Variants in PCDHA7 observed in about 807,000 individuals in gnomAD.
PCDHA7 encodes the protein protocadherin alpha-7.
In PCDHA7, 37 loss-of-function variants were observed where a neutral mutation model predicts 57.2. That is an observed-to-expected ratio of 0.65 (90% confidence interval 0.50 to 0.85). The LOEUF (loss-of-function observed/expected upper bound fraction) is 0.85, where lower values mean the gene tolerates loss of function less well. Among genes scored for constraint, PCDHA7 ranks in the 40% least tolerant of loss-of-function variants. The pLI, the probability that PCDHA7 is intolerant of heterozygous loss-of-function variation, is 0.00. For synonymous variants in PCDHA7, 553 were observed against 558.8 expected (o/e 0.99, Z 0.15); for missense variants, 1,188 against 1,241.8 (o/e 0.96, Z 0.65).
At chr5:140,928,321 A>C (rs1296238254) in intron 1 of PCDHA7, 2 of 1,614,044 alleles carry the variant, frequency 1.2e-6, no homozygotes, top group African/African-American at 2.7e-5. Context: ...CCTGGGGAAG[A>C]ATGGCCTTGT....
chr5:140,861,346 C>T (rs2046871504), intron 1 of PCDHA7: 2 of 294,962 alleles, frequency 6.8e-6, no homozygotes, highest in South Asian at 3.7e-5. Context: ...AGGCCAAGGA[C>T]GGCACATAGC....
In PCDHA7 at chr5:140,835,129, T is replaced by G. The variant is rs2150231206; in HGVS notation, c.746T>G (p.Val249Gly). 1 of 1,358,528 alleles carries G rather than the reference T, an allele frequency of 7.4e-7. No individual in the cohort carries two copies. Among genetic ancestry groups the G allele is most frequent in the East Asian group, 2.5e-5 (1 of 39,406 alleles). The allele number at this position is 1,358,528 out of a possible 1,614,324, so 84.2% of individuals were successfully genotyped here. Residue 249 changes from valine (V) to glycine (G), a missense_variant, in exon 1 of 4, where the codon GTG becomes GGG. Val to Gly is a moderately radical substitution (Grantham distance 109). Transcript: ENST00000525929. ...APVFDRTLYT[V>G]KLPENVSIGT... ...GTGTTCGACAGAACCCTGTATACGG[T>G]GAAATTACCAGAAAACGTTTCTATC...
At chr5:140,991,640 T>C (rs1315335320) in intron 3 of PCDHA7, among the ~76,000 whole-genome samples, 1 of 152,194 alleles carries the variant, frequency 6.6e-6, no homozygotes, top group Non-Finnish European at 1.5e-5. Flanking sequence ...AACAATCTGT[T>C]CATGACAATT....
intron 1 of PCDHA7, chr5:140,842,137 A>C (rs2150330187): frequency 1.2e-6 from 2 of 1,613,874 alleles, no homozygotes; most frequent in South Asian, 2.2e-5. Flanking sequence ...CGGATGAAGG[A>C]GCCAATGGGG....
intron 3 of PCDHA7, among the ~76,000 whole-genome samples, chr5:140,984,647 G>C (rs1169327185): frequency 6.6e-6 from 1 of 152,102 alleles, no homozygotes; most frequent in Non-Finnish European, 1.5e-5. Flanking sequence ...CCTTCTCCCT[G>C]TCCTTCTGGT....
chr5:140,974,221 T>A (rs75147433), intron 1 of PCDHA7, among the ~76,000 whole-genome samples: 1,739 of 152,246 alleles, frequency 0.011, 25 homozygotes, highest in Non-Finnish European at 0.017. Context: ...TAAAGAGAAA[T>A]CTTAGTTCCT....
At chr5:140,977,513 A>G (rs1378316611) in intron 1 of PCDHA7, among the ~76,000 whole-genome samples, 2 of 152,236 alleles carry the variant, frequency 1.3e-5, no homozygotes, top group African/African-American at 4.8e-5. Context: ...GCATTTTGTG[A>G]ACTTGAAAAC....
chr5:140,870,085 C>A, intron 1 of PCDHA7: 1 of 1,613,862 alleles, frequency 6.2e-7, no homozygotes, highest in Non-Finnish European at 8.5e-7. Context: ...GGGGACTCCC[C>A]CAATGGCAGG....
At chr5:140,953,284 T>G (rs2094869714) in intron 1 of PCDHA7, among the ~76,000 whole-genome samples, 1 of 152,160 alleles carries the variant, frequency 6.6e-6, no homozygotes, top group Admixed American at 6.5e-5. Flanking sequence ...TCTTTATATG[T>G]GATTCAGGGA....
chr5:140,946,959 A>C (rs918204180), intron 1 of PCDHA7, among the ~76,000 whole-genome samples: 2 of 151,664 alleles, frequency 1.3e-5, no homozygotes, highest in Non-Finnish European at 3.0e-5. Context: ...GTATATTTCA[A>C]AATATTATAG....
chr5:140,876,176 TG>T (rs1554168338), intron 1 of PCDHA7: 2 of 1,613,930 alleles, frequency 1.2e-6, no homozygotes, highest in Non-Finnish European at 1.7e-6. Context: ...GTCCTGGATG[TG>T]AATGACAATG....
At chr5:141,006,995 A>C (rs1277177404) in intron 3 of PCDHA7, among the ~76,000 whole-genome samples, 1 of 152,208 alleles carries the variant, frequency 6.6e-6, no homozygotes, top group Non-Finnish European at 1.5e-5. Flanking sequence ...TTAAAATATA[A>C]GTCTGCATCT....
At position 140,926,602 on chromosome 5, in the gene PCDHA7, C is replaced by T. The variant is rs1326525373; in HGVS notation, c.2356-52347C>T. 9 of 324,032 alleles carry T rather than the reference C, an allele frequency of 2.8e-5. No homozygotes were observed. The East Asian group carries it at 4.7e-4, about 17-fold the overall frequency. The allele number at this position is 324,032 out of a possible 1,614,324, so 20.1% of individuals were successfully genotyped here. On this transcript the variant is annotated intron_variant, in intron 1 of 3. Coordinates refer to ENST00000525929, the MANE Select transcript of PCDHA7 (RefSeq NM_018910.3). ...CCTCTCGCGCCCGGGCGGGCGGCCT[C>T]GTCTCTGCACCCCTAGGCGGCGCTG...
At chr5:140,858,775 A>C (rs2045585315) in intron 1 of PCDHA7, 2 of 422,450 alleles carry the variant, frequency 4.7e-6, no homozygotes, top group Non-Finnish European at 8.6e-6. Context: ...TGAGATTAGT[A>C]CTTCATGTTA....
chr5:140,866,441 G>A (rs1313181432), intron 1 of PCDHA7: 1 of 151,728 alleles, frequency 6.6e-6, no homozygotes, highest in African/African-American at 2.4e-5. Flanking sequence ...GTCTTCTTCA[G>A]TCTTATTGTT....
chr5:140,843,048 C>T (rs1554139673), intron 1 of PCDHA7: 2 of 1,595,084 alleles, frequency 1.3e-6, no homozygotes, highest in Non-Finnish European at 1.7e-6. Context: ...ACTGGTGGCG[C>T]AGCGAGCAAG....
chr5:140,942,641 G>T (rs1198552335), intron 1 of PCDHA7, among the ~76,000 whole-genome samples: 1 of 151,754 alleles, frequency 6.6e-6, no homozygotes, highest in African/African-American at 2.4e-5. Flanking sequence ...TGGCAAAAGA[G>T]ATCTCATTCA....
intron 1 of PCDHA7, among the ~76,000 whole-genome samples, chr5:140,890,509 A>G (rs1448258191): frequency 6.6e-6 from 1 of 151,802 alleles, no homozygotes; most frequent in African/African-American, 2.4e-5. Flanking sequence ...TTATGTCTCT[A>G]TTTCCTTCCT....
At chr5:140,840,253 T>C (rs1554137747) in intron 1 of PCDHA7, among the ~76,000 whole-genome samples, 1 of 151,988 alleles carries the variant, frequency 6.6e-6, no homozygotes, top group Non-Finnish European at 1.5e-5. Context: ...GCTATAAAAA[T>C]TGTGATTTTT....
Sources: allele counts gnomAD v4.1 joint callset (sites outside exome capture counted in the v4.1 genomes callset), GRCh38; gene constraint gnomAD v4.1.1; transcripts MANE v1.5; gene names NCBI Gene and HGNC (gene_info 2026-07-23, HGNC 2026-07-21).